Variants in MAP2K1 observed in about 807,000 individuals in gnomAD.
MAP2K1 encodes dual specificity mitogen-activated protein kinase kinase 1.
MAP2K1 carries 16 observed loss-of-function variants against 46.3 expected under a neutral mutation model. The ratio of observed to expected loss-of-function variants is 0.35; its 90% confidence interval spans 0.23 to 0.52. The LOEUF is 0.52. MAP2K1 is among the 20% of genes least tolerant of loss of function. The pLI, the probability that MAP2K1 is intolerant of heterozygous loss-of-function variation, is 0.94. For synonymous variants in MAP2K1, 183 were observed against 185.6 expected, an observed-to-expected ratio of 0.99 and a Z score of 0.11; for missense variants, 263 against 497.1, an observed-to-expected ratio of 0.53 and a Z score of 4.48.
At position 66,446,150 on chromosome 15, in the gene MAP2K1, G is replaced by GC. The variant is rs201027314; in HGVS notation, c.568+1444dup. Among the ~76,000 whole-genome samples the GC allele has an allele frequency of 3.3e-3, 496 of 152,230 alleles. 3 individuals carry two copies. The highest frequency in any genetic ancestry group is 0.011 in the African/African-American group (472 of 41,538). ...TGAGGGAGAAGCTTGAACCCGGGAGGCAGAGGTCGCAGTGAGCCAAGATTG... is the reference window on the plus strand; with the variant it reads ...TGAGGGAGAAGCTTGAACCCGGGAGGCCAGAGGTCGCAGTGAGCCAAGATTG... On this transcript the variant is annotated intron_variant, in intron 5 of 10. Transcript: ENST00000307102.
chr15:66,461,753 T>G (rs1892329036), intron 5 of MAP2K1, among the ~76,000 whole-genome samples: 1 of 152,156 alleles, frequency 6.6e-6, no homozygotes, highest in Non-Finnish European at 1.5e-5. Flanking sequence ...ACCCACCAAG[T>G]GACCTCCGAG....
intron 3 of MAP2K1, among the ~76,000 whole-genome samples, chr15:66,442,358 C>T (rs763857651): frequency 6.6e-6 from 1 of 152,182 alleles, no homozygotes; most frequent in Non-Finnish European, 1.5e-5. Flanking sequence ...TACTCAGCAA[C>T]GTGATGCGTC....
At chr15:66,413,019 T>C (rs1414572663) in intron 1 of MAP2K1, among the ~76,000 whole-genome samples, 1 of 152,048 alleles carries the variant, frequency 6.6e-6, no homozygotes, top group African/African-American at 2.4e-5. Flanking sequence ...CCTCAGCCTC[T>C]AAAGTAGCTG....
chr15:66,392,941 G>T (rs2093360115), intron 1 of MAP2K1, among the ~76,000 whole-genome samples: 1 of 152,110 alleles, frequency 6.6e-6, no homozygotes. Context: ...CTTGGTTGTA[G>T]AGCAGTCATG....
At chr15:66,419,520 C>CA (rs35659066) in intron 1 of MAP2K1, among the ~76,000 whole-genome samples, 287 of 138,006 alleles carry the variant, frequency 2.1e-3, no homozygotes, top group African/African-American at 5.5e-3. Context: ...GACTCCATCT[C>CA]AAAAAAAAAA....
intron 5 of MAP2K1, among the ~76,000 whole-genome samples, chr15:66,461,331 A>G (rs567127643): frequency 6.6e-6 from 1 of 152,136 alleles, no homozygotes; most frequent in African/African-American, 2.4e-5. Context: ...CTGAAAATAC[A>G]AAAATTAGCC....
chr15:66,449,049 C>G (rs11629783), intron 5 of MAP2K1, among the ~76,000 whole-genome samples: 26,148 of 144,598 alleles, frequency 0.18, 2,996 homozygotes, highest in Middle Eastern at 0.29. Flanking sequence ...CAAAAACATT[C>G]AGAGAGAGGA....
rs1893003847 is a variant in MAP2K1, at chr15:66,485,016, C to T, written c.720C>T (p.Tyr240=). 1.2e-6 allele frequency: 2 copies of T among 1,613,620 alleles called. No individual in the cohort carries two copies. Among genetic ancestry groups the T allele is most frequent in the Non-Finnish European group, 1.7e-6 (2 of 1,180,022 alleles). ...CAGAAAGACTCCAGGGGACTCATTA[C>T]TCTGTGCAGTCAGACATCTGGAGCA... ...MSPERLQGTH[Y]SVQSDIWSMG... is the part of the protein sequence containing the mutation. Residue 240 remains tyrosine, a synonymous_variant, in exon 7 of 11, where the codon TAC becomes TAT. Coordinates refer to ENST00000307102, the MANE Select transcript of MAP2K1 (RefSeq NM_002755.4).
At chr15:66,424,712 T>C (rs1038015063) in intron 1 of MAP2K1, among the ~76,000 whole-genome samples, 2 of 151,642 alleles carry the variant, frequency 1.3e-5, no homozygotes, top group African/African-American at 4.8e-5. Flanking sequence ...TTCCTAGGGG[T>C]AAGCTGCAGT....
At chr15:66,484,923 A>AAATGC in intron 6 of MAP2K1, 67 bp from the exon 7 acceptor site, 2 of 1,292,442 alleles carry the variant, frequency 1.5e-6, no homozygotes, top group Non-Finnish European at 1.1e-6. Context: ...ACAGAAGAGA[A>AAATGC]AATGCATTAG....
intron 1 of MAP2K1, among the ~76,000 whole-genome samples, chr15:66,423,564 AGTAGCTG>A (rs1234569477): frequency 5.5e-5 from 8 of 146,606 alleles, no homozygotes; most frequent in Admixed American, 5.4e-4. Context: ...TAGCCTCCTG[AGTAGCTG>A]GGATTACAGG....
At chr15:66,479,339 C>T (rs1892859357) in intron 5 of MAP2K1, among the ~76,000 whole-genome samples, 1 of 152,166 alleles carries the variant, frequency 6.6e-6, no homozygotes, top group African/African-American at 2.4e-5. Context: ...CTCTGGTGAT[C>T]TGCCCACCTA....
chr15:66,465,705 C>CA (rs1240448904), intron 5 of MAP2K1, among the ~76,000 whole-genome samples: 1 of 151,758 alleles, frequency 6.6e-6, no homozygotes, highest in East Asian at 1.9e-4. Context: ...ACAACAACAA[C>CA]AAAAAAACGG....
intron 5 of MAP2K1, among the ~76,000 whole-genome samples, chr15:66,478,270 A>T (rs1343014852): frequency 7.1e-6 from 1 of 141,748 alleles, no homozygotes; most frequent in Non-Finnish European, 1.5e-5. Flanking sequence ...GTGTATATAT[A>T]TTTAACATAT....
At chr15:66,408,855 C>G (rs1330302983) in intron 1 of MAP2K1, among the ~76,000 whole-genome samples, 1 of 152,146 alleles carries the variant, frequency 6.6e-6, no homozygotes, top group African/African-American at 2.4e-5. Flanking sequence ...TCCTCCACCC[C>G]ATCTGGGCAG....
rs188987795 is a variant in MAP2K1, at chr15:66,413,445, C to T, written c.81-21582C>T. 1.3e-4 allele frequency among the ~76,000 whole-genome samples: 20 copies of T among 152,284 alleles called. No individual in the cohort carries two copies. The East Asian group carries it at 2.9e-3, about 22-fold the overall frequency. ...CTAGCCAGAATGAAAAATTTGTTGA[C>T]GTTTAAAGTTCTCTGACCTCCCTGT... On this transcript the variant is annotated intron_variant, in intron 1 of 10. Coordinates refer to ENST00000307102, the MANE Select transcript of MAP2K1 (RefSeq NM_002755.4).
intron 1 of MAP2K1, among the ~76,000 whole-genome samples, chr15:66,426,463 T>A (rs1320432312): frequency 3.3e-5 from 5 of 152,014 alleles, no homozygotes; most frequent in Admixed American, 2.6e-4. Flanking sequence ...CATCCTTCCA[T>A]GAGTTTCTTC....
intron 1 of MAP2K1, among the ~76,000 whole-genome samples, chr15:66,418,905 C>CA (rs1402721458): frequency 2.7e-5 from 4 of 145,632 alleles, no homozygotes; most frequent in Non-Finnish European, 6.0e-5. Context: ...CTCAGCCTCT[C>CA]AAAGTGCTGG....
intron 5 of MAP2K1, among the ~76,000 whole-genome samples, chr15:66,449,368 A>G (rs902363903): frequency 2.6e-5 from 4 of 152,214 alleles, no homozygotes; most frequent in African/African-American, 9.6e-5. Flanking sequence ...ACAAAAGAGT[A>G]CATACTGTGA....
Sources: gnomAD v4.1 joint callset for allele counts (sites outside exome capture counted in the v4.1 genomes callset) on GRCh38, gnomAD v4.1.1 for gene constraint, MANE v1.5 for transcripts, NCBI Gene and HGNC (gene_info 2026-07-23, HGNC 2026-07-21) for gene names.